Variants in FABP6 observed in about 807,000 individuals in gnomAD.
The protein encoded by FABP6 is gastrotropin.
Under a neutral mutation model 14.9 loss-of-function variants are expected in FABP6, and 13 were observed. That is an observed-to-expected ratio of 0.87 (90% confidence interval 0.57 to 1.39). The LOEUF is 1.39. FABP6 is among the 40% of genes most tolerant of loss of function. The pLI, the probability that FABP6 is intolerant of heterozygous loss-of-function variation, is 0.00. For synonymous variants in FABP6, 75 were observed against 63.6 expected (o/e 1.18, Z -0.85); for missense variants, 161 against 167.2 (o/e 0.96, Z 0.20).
intron 3 of FABP6, among the ~76,000 whole-genome samples, chr5:160,222,572 G>A (rs1760150901): frequency 6.6e-6 from 1 of 152,184 alleles, no homozygotes; most frequent in Admixed American, 6.5e-5. Flanking sequence ...GACCTCAGGT[G>A]ATCCACCCAC....
chr5:160,198,689 AG>A (rs1389332743), intron 1 of FABP6: 1 of 181,596 alleles, frequency 5.5e-6, no homozygotes, highest in Non-Finnish European at 1.2e-5. Flanking sequence ...CCATCCCCCT[AG>A]CTTTTTACCA....
At position 160,198,609 on chromosome 5, in the gene FABP6, TC is replaced by T. The variant is rs201769412; in HGVS notation, c.-58-436del. The T allele has an allele frequency of 9.6e-3, 1,529 of 159,012 alleles. 35 individuals are homozygous for T. The highest frequency in any genetic ancestry group is 0.034 in the African/African-American group (1,431 of 41,594). 9.9% of individuals were successfully genotyped at this position (159,012 alleles called of 1,614,324 possible). A position where few individuals can be genotyped will look rare whatever the true frequency, so the allele number is the denominator to read the frequency against. ...GGCTACAGCCTTCAAGTGTGCACGG[TC>T]CCCAGGCCCCTCTTTCACTCACCAC... On this transcript the variant is annotated intron_variant, in intron 1 of 6. Coordinates refer to the FABP6 transcript ENST00000393980.
chr5:160,220,807 A>T (rs1301060046), intron 3 of FABP6, among the ~76,000 whole-genome samples: 3 of 151,642 alleles, frequency 2.0e-5, no homozygotes, highest in Admixed American at 2.0e-4. Context: ...TTGAGGACAG[A>T]CCGGGCGCCG....
intron 2 of FABP6, among the ~76,000 whole-genome samples, chr5:160,232,951 G>A (rs908049268): frequency 4.0e-5 from 6 of 148,450 alleles, no homozygotes; most frequent in African/African-American, 1.5e-4. Context: ...TACACAACAG[G>A]GGCAGGCCTT....
chr5:160,194,233 G>T (rs1240133726), intron 1 of FABP6, among the ~76,000 whole-genome samples: 3 of 152,238 alleles, frequency 2.0e-5, no homozygotes, highest in African/African-American at 7.2e-5. Context: ...ACTCCAGCTG[G>T]CCCGCAAGCG....
intron 3 of FABP6, among the ~76,000 whole-genome samples, chr5:160,217,068 TG>T (rs1760026967): frequency 6.6e-6 from 1 of 152,134 alleles, no homozygotes; most frequent in African/African-American, 2.4e-5. Flanking sequence ...CAAGACTGGT[TG>T]GGAGGATAGG....
chr5:160,226,732 G>A (rs966530915), upstream of FABP6, among the ~76,000 whole-genome samples: 21 of 151,904 alleles, frequency 1.4e-4, no homozygotes, highest in African/African-American at 4.8e-4. Flanking sequence ...AGTGCCAAAT[G>A]CATAATAAAG....
At chr5:160,195,316 C>G (rs1759488298) in intron 1 of FABP6, among the ~76,000 whole-genome samples, 1 of 143,704 alleles carries the variant, frequency 7.0e-6, no homozygotes, top group Non-Finnish European at 1.5e-5. Context: ...AAAAAAGACT[C>G]TCCTTTCTGA....
intron 1 of FABP6, among the ~76,000 whole-genome samples, chr5:160,231,008 A>G (rs1029347168): frequency 6.6e-6 from 1 of 152,204 alleles, no homozygotes; most frequent in African/African-American, 2.4e-5. Flanking sequence ...AATCTTGTGG[A>G]AATCTCAGTA....
intron 1 of FABP6, among the ~76,000 whole-genome samples, chr5:160,188,323 T>A (rs1759328725): frequency 6.6e-6 from 1 of 151,942 alleles, no homozygotes; most frequent in Non-Finnish European, 1.5e-5. Context: ...GGAAGCTGGG[T>A]GTGTCTTCTG....
intron 1 of FABP6, among the ~76,000 whole-genome samples, chr5:160,190,336 G>A (rs1022025704): frequency 6.6e-6 from 1 of 152,102 alleles, no homozygotes; most frequent in African/African-American, 2.4e-5. Context: ...GGGTTCAAGT[G>A]ATTCTCCTCC....
rs775817291 is a variant in FABP6, at chr5:160,238,685, A to G, written c.*26A>G. 8.7e-6 allele frequency: 14 copies of G among 1,611,990 alleles called. No homozygotes were observed. Among genetic ancestry groups the G allele is most frequent in the Non-Finnish European group, 1.2e-5 (14 of 1,178,310 alleles). On this transcript the variant is annotated 3_prime_UTR_variant, in exon 4 of 4. Transcript: ENST00000402432. ...GCAGCCAGGCCCGGCCCAGGGAGCT[A>G]CAAACCCACCAATAAAACTGATATA...
intron 2 of FABP6, among the ~76,000 whole-genome samples, chr5:160,205,788 G>T (rs555701179): frequency 6.6e-6 from 1 of 152,144 alleles, no homozygotes; most frequent in East Asian, 1.9e-4. Context: ...CAGCCATTTC[G>T]TGACCTTGAG....
chr5:160,188,531 T>A (rs925782855), intron 1 of FABP6, among the ~76,000 whole-genome samples: 2 of 152,052 alleles, frequency 1.3e-5, no homozygotes, highest in African/African-American at 4.8e-5. Flanking sequence ...CCTTTCCCGC[T>A]GGGGAGAGGC....
intron 2 of FABP6, among the ~76,000 whole-genome samples, chr5:160,205,432 G>A (rs140878956): frequency 6.0e-4 from 91 of 151,994 alleles, no homozygotes; most frequent in African/African-American, 2.0e-3. Flanking sequence ...GCACAAGTGT[G>A]CACACTCCTT....
At chr5:160,227,407 G>A (rs370253453), upstream of FABP6, among the ~76,000 whole-genome samples, 3 of 151,770 alleles carry the variant, frequency 2.0e-5, no homozygotes, top group Non-Finnish European at 4.4e-5. Flanking sequence ...AGCACCTGTA[G>A]TCCCAGCTAC....
chr5:160,232,118 G>A lies in FABP6; in HGVS notation c.88G>A (p.Glu30Lys), dbSNP rs1042478773. Residue 30 changes from glutamate (E) to lysine (K), a missense_variant, in exon 2 of 4, where the codon GAA (glutamate) becomes AAA (lysine). Glu to Lys is a moderately conservative substitution (Grantham distance 56). Coordinates refer to ENST00000402432, the MANE Select transcript of FABP6 (RefSeq NM_001445.3). The stretch of plus-strand genomic sequence containing the variant: ...TCCAGGGATCTCCAGCGATGTAATC[G>A]AAAAGGCCCGCAACTTCAAGATCGT... ...KLLGISSDVI[E>K]KARNFKIVTE... 17 of 1,613,854 alleles carry A rather than the reference G, an allele frequency of 1.1e-5. No individual in the cohort carries two copies. Among genetic ancestry groups the A allele is most frequent in the East Asian group, 2.2e-5 (1 of 44,878 alleles).
intron 2 of FABP6, chr5:160,199,225 A>T: frequency 6.5e-7 from 1 of 1,536,162 alleles, no homozygotes; most frequent in Non-Finnish European, 9.0e-7. Flanking sequence ...CACAGTGGGG[A>T]GAACACCTTG....
chr5:160,233,820 C>G (rs536236755), intron 2 of FABP6, among the ~76,000 whole-genome samples: 1 of 150,754 alleles, frequency 6.6e-6, no homozygotes, highest in Non-Finnish European at 1.5e-5. Flanking sequence ...TACAGTGAGC[C>G]GAGATCACAC....
Sources: allele counts gnomAD v4.1 joint callset (sites outside exome capture counted in the v4.1 genomes callset), GRCh38; gene constraint gnomAD v4.1.1; transcripts MANE v1.5; gene names NCBI Gene and HGNC (gene_info 2026-07-23, HGNC 2026-07-21).